The following AGPS variants were observed in gnomAD, a reference collection of about 807,000 sequenced individuals.
AGPS encodes the protein alkylglycerone phosphate synthase, also known as alkyldihydroxyacetonephosphate synthase, peroxisomal.
AGPS carries 26 observed loss-of-function variants against 90.7 expected under a neutral mutation model. The ratio of observed to expected loss-of-function variants is 0.29; its 90% CI spans 0.21 to 0.40. The LOEUF is 0.40. Ranked by LOEUF, AGPS falls within the 10% of genes least tolerant of loss-of-function variation. The pLI is 1.00. For missense variants in AGPS, 540 were observed against 816.1 expected (o/e 0.66, Z 4.12); for synonymous variants, 294 against 285.3 (o/e 1.03, Z -0.31).
At chr2:177,402,183 G>A (rs1031307805) in intron 1 of AGPS, among the ~76,000 whole-genome samples, 4 of 152,172 alleles carry the variant, frequency 2.6e-5, no homozygotes, top group Admixed American at 2.6e-4. Flanking sequence ...TTTTAAGAAG[G>A]ATGTCAATGA....
intron 11 of AGPS, among the ~76,000 whole-genome samples, chr2:177,483,077 A>G (rs1377802708): frequency 6.6e-6 from 1 of 152,138 alleles, no homozygotes; most frequent in Non-Finnish European, 1.5e-5. Flanking sequence ...CATATAGGTC[A>G]GCTTCCTGAT....
At position 177,540,071 on chromosome 2, in the gene AGPS, GTGTATA is replaced by G. The variant is rs886055186; in HGVS notation, c.*1878_*1883del. On this transcript the variant is annotated 3_prime_UTR_variant, in exon 20 of 20. Coordinates refer to ENST00000264167, the MANE Select transcript of AGPS (RefSeq NM_003659.4). Reference sequence around the variant, plus strand: ...TATATATATGTATGCATGTGTGTGTGTGTATATATATATATATATATATGTATATGT... The same window carrying G: ...TATATATATGTATGCATGTGTGTGTGTATATATATATATATATGTATATGT... 8.9e-5 allele frequency: 5 copies of G among 55,890 alleles called. No homozygotes were observed. Among genetic ancestry groups the G allele is most frequent in the African/African-American group, 2.1e-4 (5 of 24,274 alleles). 3.5% of individuals were successfully genotyped at this position (55,890 alleles called of 1,614,324 possible). A position where few individuals can be genotyped will look rare whatever the true frequency, so the allele number is the denominator to read the frequency against.
intron 8 of AGPS, among the ~76,000 whole-genome samples, chr2:177,461,141 G>A (rs1213804021): frequency 6.6e-6 from 1 of 152,174 alleles, no homozygotes; most frequent in Admixed American, 6.5e-5. Context: ...GTATGCAGAT[G>A]GTGGTGTCTG....
chr2:177,486,819 C>T lies in AGPS; in HGVS notation c.1233+4633C>T, dbSNP rs185846707. On this transcript the variant is annotated intron_variant, in intron 11 of 19. Transcript: ENST00000264167. ...GAAGGATTCTACTAAAGTCTCTCAT[C>T]CGATCTTTGTCCATGTGAGCAAGTA... Among the ~76,000 whole-genome samples the T allele has an allele frequency of 3.2e-4, 49 of 150,898 alleles. 1 individual carries two copies. The Admixed American group carries it at 3.3e-3, about 10-fold the overall frequency.
intron 15 of AGPS, 43 bp from the exon 16 acceptor site, chr2:177,507,927 C>A: frequency 7.8e-7 from 1 of 1,281,508 alleles, no homozygotes; most frequent in Non-Finnish European, 1.1e-6. Flanking sequence ...GATTCTTCTG[C>A]ATCTGTTGTA....
Position 177,461,909 on chromosome 2 carries a change from A to G in AGPS, c.887A>G (p.Tyr296Cys). 6.2e-7 allele frequency: 1 copy of G among 1,611,974 alleles called. No individual in the cohort carries two copies. The highest frequency in any genetic ancestry group is 8.5e-7 in the Non-Finnish European group (1 of 1,178,698). ...GTTTTTCAGCTTAAAGAAAGTGGTTATTGTACAGGTCATGAACCAGATTCC... is the reference window on the plus strand; with the variant it reads ...GTTTTTCAGCTTAAAGAAAGTGGTTGTTGTACAGGTCATGAACCAGATTCC... Reference protein sequence around the residue: ...ELERQLKESGYCTGHEPDSLE... With the variant: ...ELERQLKESGCCTGHEPDSLE... The change falls in exon 9 of 20, where the codon TAT (tyrosine) becomes TGT (cysteine). Residue 296 changes from tyrosine (Y) to cysteine (C), a missense_variant. Coordinates refer to ENST00000264167, the MANE Select transcript of AGPS (RefSeq NM_003659.4).
chr2:177,478,703 C>T (rs1344031073), intron 10 of AGPS, among the ~76,000 whole-genome samples: 1 of 151,866 alleles, frequency 6.6e-6, no homozygotes, highest in South Asian at 2.1e-4. Flanking sequence ...AATAGTTTAT[C>T]TTCATTTATA....
At chr2:177,477,180 TC>T (rs1214136089) in intron 10 of AGPS, among the ~76,000 whole-genome samples, 4 of 152,006 alleles carry the variant, frequency 2.6e-5, no homozygotes, top group East Asian at 1.9e-4. Context: ...TGCCTTATTT[TC>T]CCCCCCTCTG....
At chr2:177,455,586 G>T (rs1159348410) in intron 8 of AGPS, among the ~76,000 whole-genome samples, 1 of 151,978 alleles carries the variant, frequency 6.6e-6, no homozygotes, top group African/African-American at 2.4e-5. Flanking sequence ...GAGCCACCAT[G>T]CCTGGCCTGT....
rs1183548633 is a variant in AGPS at position 177,538,292 on chromosome 2, A to G, written c.*97A>G. On this transcript the variant is annotated 3_prime_UTR_variant, in exon 20 of 20. Coordinates refer to ENST00000264167, the MANE Select transcript of AGPS (RefSeq NM_003659.4). The stretch of plus-strand genomic sequence containing the variant: ...AAATATATCATGGACTATATTTTGG[A>G]TACATTTGTTTCTTTGGTTTAAAAT... 3 of 1,314,796 alleles carry G rather than the reference A, an allele frequency of 2.3e-6. No individual in the cohort carries two copies. In the South Asian group the frequency reaches 3.8e-5, roughly 17 times the overall value. 81.4% of individuals were successfully genotyped at this position (1,314,796 alleles called of 1,614,324 possible). A position where few individuals can be genotyped will look rare whatever the true frequency, so the allele number is the denominator to read the frequency against.
At position 177,461,952 on chromosome 2, in the gene AGPS, A is replaced by G. The variant is rs773876146; in HGVS notation, c.930A>G (p.Val310=). The G allele has an allele frequency of 1.2e-6, 2 of 1,612,974 alleles. No homozygotes were observed. Among genetic ancestry groups the G allele is most frequent in the Non-Finnish European group, 1.7e-6 (2 of 1,179,274 alleles). The part of the protein sequence containing the change: ...HEPDSLEFST[V]GGWVSTRASG... ...CAGATTCCCTGGAGTTCAGTACTGT[A>G]GGAGGATGGGTATCTACTCGCGCAT... The change falls in exon 9 of 20, where the codon GTA becomes GTG. Residue 310 remains valine, a synonymous_variant. Coordinates refer to ENST00000264167, the MANE Select transcript of AGPS (RefSeq NM_003659.4).
intron 11 of AGPS, among the ~76,000 whole-genome samples, chr2:177,484,607 A>G (rs1231411440): frequency 1.3e-5 from 2 of 152,178 alleles, no homozygotes; most frequent in East Asian, 3.9e-4. Context: ...CGGCCTCCCA[A>G]ATTGCTGGGA....
At chr2:177,505,144 G>T (rs1330087100) in intron 14 of AGPS, among the ~76,000 whole-genome samples, 1 of 151,952 alleles carries the variant, frequency 6.6e-6, no homozygotes, top group African/African-American at 2.4e-5. Context: ...AAGCTTCTCA[G>T]TATTGGGGAG....
chr2:177,521,203 T>C, intron 17 of AGPS, 66 bp from the exon 18 acceptor site: 1 of 1,366,572 alleles, frequency 7.3e-7, no homozygotes. Context: ...TGACTTTCAG[T>C]TTCTAGATGT....
chr2:177,533,546 C>T (rs2079156651), intron 19 of AGPS, among the ~76,000 whole-genome samples: 1 of 152,184 alleles, frequency 6.6e-6, no homozygotes, highest in Non-Finnish European at 1.5e-5. Flanking sequence ...TGGATAATAT[C>T]ACTTAGCTTT....
In AGPS at chr2:177,472,036, G is replaced by A. The variant is rs180874271; in HGVS notation, c.1105+3512G>A. Among the ~76,000 whole-genome samples, 12 of 151,848 alleles carry A rather than the reference G, an allele frequency of 7.9e-5. No individual in the cohort carries two copies. In the East Asian group the frequency reaches 2.3e-3, roughly 29 times the overall value. Reference sequence around the variant, plus strand: ...CTGGGTTATTTTGCTTCAGCACCCAGTGGACCCTTTCTATTTGTAGATTCA... The same window carrying A: ...CTGGGTTATTTTGCTTCAGCACCCAATGGACCCTTTCTATTTGTAGATTCA... On this transcript the variant is annotated intron_variant, in intron 10 of 19. Coordinates refer to ENST00000264167, the MANE Select transcript of AGPS (RefSeq NM_003659.4).
In AGPS at chr2:177,421,246, C is replaced by T. The variant is rs1440752625; in HGVS notation, c.350+888C>T. Among the ~76,000 whole-genome samples the T allele has an allele frequency of 2.0e-5, 3 of 151,878 alleles. No homozygotes were observed. The East Asian group carries it at 5.8e-4, about 29-fold the overall frequency. On this transcript the variant is annotated intron_variant, in intron 2 of 19. Transcript: ENST00000264167. ...AACCAAAAATAAAAAGAAACTGAGACTAAGTAAAAAATTGGATCAGATATA... is the reference window on the plus strand; with the variant it reads ...AACCAAAAATAAAAAGAAACTGAGATTAAGTAAAAAATTGGATCAGATATA...
At chr2:177,436,156 T>TTTTTTTTTG (rs1238607375) in intron 3 of AGPS, among the ~76,000 whole-genome samples, 1 of 141,410 alleles carries the variant, frequency 7.1e-6, no homozygotes, top group Non-Finnish European at 1.5e-5. Context: ...TTTTTTTTTT[T>TTTTTTTTTG]TTGCGACAGA....
intron 8 of AGPS, among the ~76,000 whole-genome samples, chr2:177,460,311 T>C (rs1281606268): frequency 6.6e-6 from 1 of 150,720 alleles, no homozygotes; most frequent in Non-Finnish European, 1.5e-5. Flanking sequence ...ACTTAAAGTA[T>C]AATGATAAAA....
Sources: gnomAD v4.1 joint callset for allele counts (sites outside exome capture counted in the v4.1 genomes callset) on GRCh38, gnomAD v4.1.1 for gene constraint, MANE v1.5 for transcripts, NCBI Gene and HGNC (gene_info 2026-07-23, HGNC 2026-07-21) for gene names.